The following SGIP1 variants were observed in gnomAD, a reference collection of about 807,000 sequenced individuals.
SGIP1 encodes the protein SH3-containing GRB2-like protein 3-interacting protein 1.
A neutral mutation model predicts 107.5 loss-of-function variants in SGIP1; 38 were observed. The observed-to-expected ratio is 0.35, with a 90% CI of 0.27 to 0.46. The LOEUF is 0.46. Ranked by LOEUF, SGIP1 falls within the 20% of genes least tolerant of loss-of-function variation. The probability of loss-of-function intolerance (pLI) is 1.00; values close to 1 mark genes in which losing one functional copy is unlikely to be tolerated. For missense variants in SGIP1, 929 were observed against 1,019.5 expected (o/e 0.91, Z 1.21); for synonymous variants, 365 against 366.1 (o/e 1.00, Z 0.03).
At chr1:66,701,913 A>G (rs1163708989) in intron 18 of SGIP1, among the ~76,000 whole-genome samples, 1 of 152,230 alleles carries the variant, frequency 6.6e-6, no homozygotes, top group African/African-American at 2.4e-5. Context: ...AATTCTACTG[A>G]TGGGAAAGCT....
At chr1:66,663,161 A>G (rs1347581436) in intron 8 of SGIP1, among the ~76,000 whole-genome samples, 1 of 152,102 alleles carries the variant, frequency 6.6e-6, no homozygotes, top group Non-Finnish European at 1.5e-5. Context: ...TGCACTGAAC[A>G]GTGGCAAGTT....
Position 66,599,912 on chromosome 1 carries a change from A to T in SGIP1, c.11-25935A>T, listed in dbSNP as rs144355580. On this transcript the variant is annotated intron_variant, in intron 1 of 24. Transcript: ENST00000371037. Reference sequence around the variant, plus strand: ...TGAACTCCAATTGAACACTAAAGAGAGTCTAGATTTTCCCTTCAGCCTTCA... The same window carrying T: ...TGAACTCCAATTGAACACTAAAGAGTGTCTAGATTTTCCCTTCAGCCTTCA... 7.9e-3 allele frequency among the ~76,000 whole-genome samples: 1,195 copies of T among 152,224 alleles called. 9 individuals are homozygous for T. Among genetic ancestry groups the T allele is most frequent in the Non-Finnish European group, 0.013 (878 of 68,014 alleles).
Position 66,582,729 on chromosome 1 carries a change from T to A in SGIP1, c.11-43118T>A, listed in dbSNP as rs1037520902. Among the ~76,000 whole-genome samples, 5 of 151,840 alleles carry A rather than the reference T, an allele frequency of 3.3e-5. No homozygotes were observed. In the East Asian group the frequency reaches 7.7e-4, roughly 23 times the overall value. On this transcript the variant is annotated intron_variant, in intron 1 of 24. Transcript: ENST00000371037. ...TTAGATGCTGCCTAAAAACTATTTA[T>A]CAATGAGAATGTGAGACAAATATGC...
intron 5 of SGIP1, among the ~76,000 whole-genome samples, chr1:66,640,500 T>A (rs2076576427): frequency 6.6e-6 from 1 of 152,032 alleles, no homozygotes; most frequent in Admixed American, 6.6e-5. Flanking sequence ...GCTGAACATT[T>A]GGGGGAAGAG....
At chr1:66,662,280 G>C (rs2081657877) in intron 8 of SGIP1, among the ~76,000 whole-genome samples, 1 of 152,126 alleles carries the variant, frequency 6.6e-6, no homozygotes, top group Admixed American at 6.5e-5. Context: ...AGTCTTATTT[G>C]TTTAGTGCTT....
chr1:66,660,474 T>C (rs2081245783), intron 7 of SGIP1, 39 bp from the exon 8 acceptor site: 9 of 1,594,688 alleles, frequency 5.6e-6, no homozygotes, highest in Non-Finnish European at 7.7e-6. Flanking sequence ...ACCTCTCTCA[T>C]TTTCTCTTTA....
chr1:66,710,758 T>C (rs2150341915), intron 18 of SGIP1, among the ~76,000 whole-genome samples: 1 of 152,278 alleles, frequency 6.6e-6, no homozygotes, highest in East Asian at 1.9e-4. Flanking sequence ...GTGAAACTGA[T>C]GATGTAAAGC....
intron 1 of SGIP1, among the ~76,000 whole-genome samples, chr1:66,548,847 A>C (rs142176818): frequency 4.5e-4 from 69 of 152,262 alleles, no homozygotes; most frequent in Non-Finnish European, 9.4e-4. Context: ...TCTCCAATTC[A>C]TAGCCCTCTC....
intron 1 of SGIP1, among the ~76,000 whole-genome samples, chr1:66,614,588 A>C (rs2149198670): frequency 6.6e-6 from 1 of 152,316 alleles, no homozygotes; most frequent in East Asian, 1.9e-4. Flanking sequence ...TTTTTCAAAA[A>C]TAATTTCATA....
chr1:66,625,959 G>GC, intron 2 of SGIP1, 49 bp downstream of exon 2: 9 of 1,482,560 alleles, frequency 6.1e-6, no homozygotes, highest in Non-Finnish European at 7.5e-6. Context: ...TTGCATAAGA[G>GC]ATGCTCTTAT....
chr1:66,731,199 T>C (rs2093993637), intron 20 of SGIP1, among the ~76,000 whole-genome samples: 1 of 152,224 alleles, frequency 6.6e-6, no homozygotes, highest in South Asian at 2.1e-4. Flanking sequence ...CGTGAGGGAA[T>C]GGAAAAAGTC....
chr1:66,561,789 A>C (rs2058985729), intron 1 of SGIP1, among the ~76,000 whole-genome samples: 1 of 152,074 alleles, frequency 6.6e-6, no homozygotes, highest in Non-Finnish European at 1.5e-5. Context: ...TAGATAGCAG[A>C]GGCCTTTTAT....
At chr1:66,694,594 C>G (rs1278436192) in intron 17 of SGIP1, 1 of 1,022,722 alleles carries the variant, frequency 9.8e-7, no homozygotes, top group East Asian at 2.8e-5. Flanking sequence ...CATGGACATG[C>G]CCTCACCTCA....
intron 1 of SGIP1, among the ~76,000 whole-genome samples, chr1:66,617,655 C>G (rs1032623492): frequency 1.3e-5 from 2 of 152,092 alleles, no homozygotes; most frequent in Non-Finnish European, 2.9e-5. Context: ...AGTAACCCTC[C>G]AAGTTAATGA....
intron 1 of SGIP1, among the ~76,000 whole-genome samples, chr1:66,613,188 C>T (rs1254234075): frequency 2.0e-5 from 3 of 152,122 alleles, no homozygotes; most frequent in Non-Finnish European, 4.4e-5. Context: ...ATTACTATTT[C>T]CCTGAAGTTT....
chr1:66,616,156 A>G (rs1027875723), intron 1 of SGIP1: 2 of 152,206 alleles, frequency 1.3e-5, no homozygotes, highest in Non-Finnish European at 2.9e-5. Flanking sequence ...TTTATGATAG[A>G]TGTTAGTCAA....
At chr1:66,629,024 C>T (rs1420339611) in intron 2 of SGIP1, among the ~76,000 whole-genome samples, 1 of 152,202 alleles carries the variant, frequency 6.6e-6, no homozygotes, top group African/African-American at 2.4e-5. Flanking sequence ...ATATCATTCT[C>T]AGAAAAGAAA....
chr1:66,708,563 G>T (rs901232564), intron 18 of SGIP1, among the ~76,000 whole-genome samples: 1 of 152,082 alleles, frequency 6.6e-6, no homozygotes, highest in Non-Finnish European at 1.5e-5. Context: ...TATTTTTGTT[G>T]AATACATGTG....
intron 1 of SGIP1, among the ~76,000 whole-genome samples, chr1:66,617,922 AG>A (rs1338928844): frequency 6.6e-6 from 1 of 152,206 alleles, no homozygotes; most frequent in African/African-American, 2.4e-5. Flanking sequence ...TGAAGTCACG[AG>A]GAGCCTGGAC....
Sources: gnomAD v4.1 joint callset for allele counts (sites outside exome capture counted in the v4.1 genomes callset) on GRCh38, gnomAD v4.1.1 for gene constraint, MANE v1.5 for transcripts, NCBI Gene and HGNC (gene_info 2026-07-23, HGNC 2026-07-21) for gene names.